TNRC18: variants seen among roughly 807,000 people sequenced by gnomAD.
The protein encoded by TNRC18 is trinucleotide repeat-containing gene 18 protein.
In TNRC18, 69 loss-of-function variants were observed where a neutral mutation model predicts 226.7. The observed-to-expected ratio is 0.30, with a 90% CI of 0.25 to 0.37. The LOEUF is 0.37. Among genes scored for constraint, TNRC18 ranks in the 10% least tolerant of loss-of-function variants. The pLI is 1.00. For missense variants in TNRC18, 4,754 were observed against 4,256.6 expected (o/e 1.12, Z -3.25); for synonymous variants, 2,449 against 1,927.6 (o/e 1.27, Z -7.09).
Position 5,376,220 on chromosome 7 carries a change from C to CGG in TNRC18, c.2612_2613insCC (p.Glu871AspfsTer3). On this transcript the variant is annotated frameshift_variant, in exon 9 of 30. Transcript: ENST00000430969. LOFTEE classifies it high-confidence loss of function. The stretch of plus-strand genomic sequence containing the variant: ...GCGGTACGGTGGCCCGCTCCATCAG[C>CGG]TCCGCTGCAGGGACAGAGACAGTGC... 1 of 1,499,032 alleles carries CGG rather than the reference C, an allele frequency of 6.7e-7. No individual in the cohort carries two copies. 92.9% of individuals were successfully genotyped at this position (1,499,032 alleles called of 1,614,324 possible). A position where few individuals can be genotyped will look rare whatever the true frequency, so the allele number is the denominator to read the frequency against.
intron 11 of TNRC18, among the ~76,000 whole-genome samples, chr7:5,364,459 GAAAACAC>G (rs1562554633): frequency 1.8e-5 from 1 of 54,808 alleles, no homozygotes; most frequent in African/African-American, 6.3e-5. Flanking sequence ...CTGTCTCAAA[GAAAACAC>G]ACACACACAC....
At chr7:5,386,588 GA>G in intron 5 of TNRC18, among the ~76,000 whole-genome samples, 1 of 141,422 alleles carries the variant, frequency 7.1e-6, no homozygotes, top group South Asian at 2.3e-4. Context: ...AAAAAAAAAA[GA>G]AAAAGAAAAA....
At chr7:5,393,588 C>G (rs553986364) in intron 3 of TNRC18, among the ~76,000 whole-genome samples, 1 of 152,088 alleles carries the variant, frequency 6.6e-6, no homozygotes, top group African/African-American at 2.4e-5. Flanking sequence ...CCAGGAACCA[C>G]GAGCACCTAC....
intron 5 of TNRC18, among the ~76,000 whole-genome samples, chr7:5,387,025 G>A (rs556735347): frequency 1.3e-5 from 2 of 152,294 alleles, no homozygotes; most frequent in South Asian, 4.1e-4. Flanking sequence ...GGTGAGCTGA[G>A]ATCGTGCCAT....
intron 2 of TNRC18, among the ~76,000 whole-genome samples, chr7:5,401,396 C>G (rs1781081870): frequency 6.6e-6 from 1 of 152,166 alleles, no homozygotes; most frequent in Non-Finnish European, 1.5e-5. Flanking sequence ...AGGGAAGACC[C>G]TGCACACTCC....
rs1793773997 is a variant in TNRC18 at position 5,367,984 on chromosome 7, G to A, written c.4219+2391C>T. Among the ~76,000 whole-genome samples the A allele has an allele frequency of 2.0e-5, 3 of 151,632 alleles. No individual in the cohort carries two copies. The South Asian group carries it at 6.3e-4, about 32-fold the overall frequency. ...TTCTACCTCTGGGCATACAATCCCA[G>A]GCAAATCAGAGATACGGACAAAGTT... On this transcript the variant is annotated intron_variant, in intron 11 of 29. Coordinates refer to ENST00000430969, the MANE Select transcript of TNRC18 (RefSeq NM_001080495.3).
intron 24 of TNRC18, among the ~76,000 whole-genome samples, chr7:5,319,826 TAAC>T (rs1206665443): frequency 1.3e-5 from 2 of 152,194 alleles, no homozygotes; most frequent in African/African-American, 4.8e-5. Flanking sequence ...TCTCTTATTC[TAAC>T]AACATGTCCA....
At position 5,376,169 on chromosome 7, in the gene TNRC18, C is replaced by A; in HGVS notation, c.2664G>T (p.Pro888=). The A allele has an allele frequency of 1.3e-6, 2 of 1,573,532 alleles. No homozygotes were observed. The highest frequency in any genetic ancestry group is 2.3e-5 in the South Asian group (2 of 85,672). The change falls in exon 9 of 30, where the codon CCG becomes CCT. Residue 888 remains proline, a synonymous_variant. Transcript: ENST00000430969. ...GGGCGTGGTGCAGGGGGCTGCGGCC[C>A]GGCGGGTACAGGGCGGGCCAGAGGG... ...VPPLWPALYP[P]GRSPLHHAQQ...
At chr7:5,346,397 C>T (rs1791201236) in intron 17 of TNRC18, among the ~76,000 whole-genome samples, 1 of 152,128 alleles carries the variant, frequency 6.6e-6, no homozygotes, top group Admixed American at 6.5e-5. Context: ...AGTCTAGAGT[C>T]GACTCCTGGC....
intron 18 of TNRC18, among the ~76,000 whole-genome samples, chr7:5,338,554 A>G (rs1000388519): frequency 2.0e-5 from 3 of 150,006 alleles, no homozygotes; most frequent in Admixed American, 1.3e-4. Flanking sequence ...CCTGGGCAAC[A>G]GGTAGAGGTT....
chr7:5,345,527 C>CA, intron 18 of TNRC18, 35 bp downstream of exon 18: 1 of 332,462 alleles, frequency 3.0e-6, no homozygotes, highest in Non-Finnish European at 4.9e-6. Context: ...GCCCCTCCCA[C>CA]CCACCCCCAC....
intron 16 of TNRC18, 137 bp downstream of exon 16, chr7:5,356,779 C>A (rs992858838): frequency 1.0e-5 from 13 of 1,260,768 alleles, no homozygotes; most frequent in Non-Finnish European, 1.3e-5. Flanking sequence ...CAAGCTCAGG[C>A]ACTGTAGTGC....
In TNRC18 at chr7:5,390,430, C is replaced by CA. The variant is rs759229291; in HGVS notation, c.487+54dup. On this transcript the variant is annotated intron_variant, in intron 4 of 29. Coordinates refer to ENST00000430969, the MANE Select transcript of TNRC18 (RefSeq NM_001080495.3). ...GCTACCTGGATGCTGCCAAAGGCCC[C>CA]AGAAGCCTCTCAGAAGGCCCCTGTG... is the stretch of plus-strand genomic sequence containing the variant. 9.3e-6 allele frequency: 15 copies of CA among 1,606,454 alleles called. No homozygotes were observed. The South Asian group carries it at 1.7e-4, about 18-fold the overall frequency.
Position 5,325,675 on chromosome 7 carries a change from C to T in TNRC18, c.6148-427G>A, listed in dbSNP as rs1171405842. ...TCCTGACCTTGTGATCTGCCCGCCT[C>T]GGCCTCCCAAAGTGCTGGGATTACA... On this transcript the variant is annotated intron_variant, in intron 19 of 29. Transcript: ENST00000430969. 6.2e-5 allele frequency: 10 copies of T among 162,262 alleles called. No homozygotes were observed. The South Asian group carries it at 6.2e-4, about 10-fold the overall frequency. The allele number at this position is 162,262 out of a possible 1,614,324, so 10.1% of individuals were successfully genotyped here. A position where few individuals can be genotyped will look rare whatever the true frequency, so the allele number is the denominator to read the frequency against.
At chr7:5,339,167 C>T (rs896176375) in intron 18 of TNRC18, among the ~76,000 whole-genome samples, 1 of 150,648 alleles carries the variant, frequency 6.6e-6, no homozygotes, top group African/African-American at 2.4e-5. Context: ...GCTCCGTGAA[C>T]AGTGCCCATA....
intron 2 of TNRC18, among the ~76,000 whole-genome samples, chr7:5,417,654 A>G (rs993361086): frequency 3.9e-5 from 6 of 152,166 alleles, no homozygotes; most frequent in African/African-American, 1.2e-4. Context: ...TTATTTGCTG[A>G]GTAAATGAGC....
Position 5,388,335 on chromosome 7 carries a change from C to T in TNRC18, c.1489G>A (p.Glu497Lys), listed in dbSNP as rs1409780283. 2.1e-5 allele frequency: 34 copies of T among 1,595,520 alleles called. No individual in the cohort carries two copies. Among genetic ancestry groups the T allele is most frequent in the Non-Finnish European group, 2.7e-5 (32 of 1,172,838 alleles). Residue 497 changes from glutamate (E) to lysine (K), a missense_variant, in exon 5 of 30, where the codon GAG (glutamate) becomes AAG (lysine). By Grantham distance (56) the Glu-to-Lys change is moderately conservative. Coordinates refer to ENST00000430969, the MANE Select transcript of TNRC18 (RefSeq NM_001080495.3). ...AQQAAKLFGL[E>K]PGRPPPTGPE... ...CCGGTGGGCGGGGGGCGCCCGGGCT[C>T]CAGGCCGAAGAGCTTGGCGGCCTGT...
chr7:5,388,959 C>T lies in TNRC18; in HGVS notation c.865G>A (p.Gly289Arg). Reference sequence around the variant, plus strand: ...ACCAGCGCGGGCAGCCCCACGTCCCCGGCGCCGCCGTTGCACATGGTCAGT... The same window carrying T: ...ACCAGCGCGGGCAGCCCCACGTCCCTGGCGCCGCCGTTGCACATGGTCAGT... ...SVLTMCNGGA[G>R]DVGLPALVAE... is the part of the protein sequence containing the mutation. Residue 289 changes from glycine to arginine, a missense_variant, in exon 5 of 30, where the codon GGG (glycine) becomes AGG (arginine). Physicochemically the swap from Gly to Arg is moderately radical, Grantham distance 125 (BLOSUM62 -2). Coordinates refer to ENST00000430969, the MANE Select transcript of TNRC18 (RefSeq NM_001080495.3). 2 of 1,386,022 alleles carry T rather than the reference C, an allele frequency of 1.4e-6. No homozygotes were observed. The highest frequency in any genetic ancestry group is 1.4e-5 in the South Asian group (1 of 72,126). 85.9% of individuals were successfully genotyped at this position (1,386,022 alleles called of 1,614,324 possible).
chr7:5,355,279 T>C (rs202023834), intron 16 of TNRC18, among the ~76,000 whole-genome samples: 2 of 114,596 alleles, frequency 1.7e-5, no homozygotes, highest in African/African-American at 8.5e-5. Context: ...GACAGTCTCT[T>C]GTTAAATGAG....
Sources: gnomAD v4.1 joint callset for allele counts (sites outside exome capture counted in the v4.1 genomes callset) on GRCh38, gnomAD v4.1.1 for gene constraint, MANE v1.5 for transcripts, NCBI Gene and HGNC (gene_info 2026-07-23, HGNC 2026-07-21) for gene names.